SFPQ: variants seen among roughly 807,000 people sequenced by gnomAD.
SFPQ encodes splicing factor, proline- and glutamine-rich.
A neutral mutation model predicts 72.9 loss-of-function variants in SFPQ; 11 were observed. The observed-to-expected ratio is 0.15, with a 90% confidence interval of 0.09 to 0.25. The LOEUF is 0.25. Ranked by LOEUF, SFPQ falls within the 10% of genes least tolerant of loss-of-function variation. The pLI, the probability that SFPQ is intolerant of heterozygous loss-of-function variation, is 1.00. For synonymous variants in SFPQ, 506 were observed against 367.3 expected (o/e 1.38, Z -4.32); for missense variants, 847 against 993.3 (o/e 0.85, Z 1.98).
downstream of SFPQ, chr1:35,180,894 A>G: frequency 1.0e-6 from 1 of 985,306 alleles, no homozygotes; most frequent in Non-Finnish European, 1.2e-6. Context: ...CACACAACTG[A>G]GTCAGATATA....
downstream of SFPQ, chr1:35,180,137 TG>T (rs1183422816): frequency 2.1e-5 from 22 of 1,049,106 alleles, no homozygotes; most frequent in Middle Eastern, 4.3e-4. Flanking sequence ...CTCATAGTCA[TG>T]AAGTTTTCAT....
chr1:35,192,032 G>C (rs1051449861), intron 1 of SFPQ, among the ~76,000 whole-genome samples, 190 bp downstream of exon 1: 29 of 151,902 alleles, frequency 1.9e-4, no homozygotes, highest in African/African-American at 6.7e-4. Context: ...CGCCCGCCGG[G>C]AGAGCAAGGC....
chr1:35,187,983 T>C lies in SFPQ; in HGVS notation c.1805A>G (p.Tyr602Cys), dbSNP rs970138413. 1.2e-6 allele frequency: 2 copies of C among 1,611,780 alleles called. No homozygotes were observed. Among genetic ancestry groups the C allele is most frequent in the Non-Finnish European group, 1.7e-6 (2 of 1,177,844 alleles). ...QREESYSRMGYMDPRERDMRM... is the reference protein window; with the variant it reads ...QREESYSRMGCMDPRERDMRM... The stretch of plus-strand genomic sequence containing the variant: ...TAAAGGCTGACTTACTGGATCCATG[T>C]AGCCCATTCGGCTGTAACTTTCCTC... The change falls in exon 7 of 10, where the codon TAC becomes TGC. Residue 602 changes from tyrosine (Y) to cysteine (C), a missense_variant. Tyr to Cys is a radical substitution (Grantham distance 194). Around this residue, in one of 6 missense-constraint regions of SFPQ, gnomAD observed 154 missense variants for 186.0 expected, o/e 0.83. Coordinates refer to ENST00000357214, the MANE Select transcript of SFPQ (RefSeq NM_005066.3).
intron 1 of SFPQ, 111 bp from the exon 2 acceptor site, chr1:35,191,640 G>A: frequency 1.3e-6 from 1 of 792,990 alleles, no homozygotes; most frequent in Non-Finnish European, 2.0e-6. Context: ...GTTCCGTTTG[G>A]TCAAAATCAA....
Position 35,187,218 on chromosome 1 carries a change from C to T in SFPQ, c.1849G>A (p.Ala617Thr). The part of the protein sequence containing the change: ...ERDMRMGGGG[A>T]MNMGDPYGSG... ...TCACACTTACCTCCCATGTTCATTG[C>T]TCCTCCGCCACCCATTCGCATGTCT... The change falls in exon 8 of 10, where the codon GCA becomes ACA. Residue 617 changes from alanine to threonine, a missense_variant. Ala to Thr is a moderately conservative substitution (Grantham distance 58). Around this residue, in one of 6 missense-constraint regions of SFPQ, gnomAD observed 154 missense variants for 186.0 expected, o/e 0.83. Coordinates refer to ENST00000357214, the MANE Select transcript of SFPQ (RefSeq NM_005066.3). The T allele has an allele frequency of 6.2e-7, 1 of 1,614,158 alleles. No homozygotes were observed. The highest frequency in any genetic ancestry group is 8.5e-7 in the Non-Finnish European group (1 of 1,180,004).
intron 9 of SFPQ, 55 bp downstream of exon 9, chr1:35,186,946 C>A (rs981821108): frequency 7.0e-6 from 11 of 1,560,486 alleles, no homozygotes; most frequent in Non-Finnish European, 9.6e-6. Context: ...AACAAACACA[C>A]CTAAGTTGTG....
chr1:35,181,783 G>A (rs899346175), downstream of SFPQ: 5 of 985,028 alleles, frequency 5.1e-6, no homozygotes, highest in African/African-American at 3.5e-5. Flanking sequence ...CGACTTTTAG[G>A]AAACTATTAA....
rs530555538 is a variant in SFPQ, at chr1:35,186,575, A to G, written c.1986+426T>C. Among the ~76,000 whole-genome samples, 4 of 152,286 alleles carry G rather than the reference A, an allele frequency of 2.6e-5. No individual in the cohort carries two copies. In the East Asian group the frequency reaches 7.7e-4, roughly 29 times the overall value. Reference sequence around the variant, plus strand: ...TCCTACACATCACTAAAACGTGCCTAAAGCTTCAAACTACAAGTCTGATTC... The same window carrying G: ...TCCTACACATCACTAAAACGTGCCTGAAGCTTCAAACTACAAGTCTGATTC... On this transcript the variant is annotated intron_variant, in intron 9 of 9. Transcript: ENST00000357214.
At chr1:35,182,804 T>C (rs2148609533), downstream of SFPQ, 1 of 1,051,810 alleles carries the variant, frequency 9.5e-7, no homozygotes, top group East Asian at 5.5e-5. Context: ...TCCTCTAACA[T>C]ATTTACACTG....
At chr1:35,179,357 A>G (rs1390046388), downstream of SFPQ, 20 of 1,057,646 alleles carry the variant, frequency 1.9e-5, no homozygotes, top group Non-Finnish European at 2.3e-5. Context: ...CCTTGCATGA[A>G]GAGCACCCAT....
chr1:35,179,134 G>A, downstream of SFPQ: 3 of 1,059,270 alleles, frequency 2.8e-6, no homozygotes, highest in Non-Finnish European at 3.4e-6. Context: ...ACCAAATAAA[G>A]GCCCAGACCA....
chr1:35,189,405 C>G (rs368659257), intron 4 of SFPQ, 23 bp from the exon 5 acceptor site: 5 of 1,580,818 alleles, frequency 3.2e-6, no homozygotes, highest in Non-Finnish European at 4.3e-6. Context: ...AAAATTTTAA[C>G]ATGAACCGAT....
chr1:35,177,910 T>C lies in SFPQ; in HGVS notation c.*24+79A>G, dbSNP rs368579529. On this transcript the variant is annotated intron_variant and NMD_transcript_variant, in intron 4 of 5. Transcript: ENST00000460428. ...GGTAAACATCTCAAATATCGAAGTT[T>C]CACTCCACATATCTAAATGAAATTA... The C allele has an allele frequency of 2.4e-4, 139 of 579,388 alleles. 1 individual carries two copies. The highest frequency in any genetic ancestry group is 9.9e-4 in the East Asian group (12 of 12,142). 35.9% of individuals were successfully genotyped at this position (579,388 alleles called of 1,614,324 possible).
At chr1:35,188,231 C>T in intron 6 of SFPQ, 141 bp from the exon 7 acceptor site, 1 of 665,668 alleles carries the variant, frequency 1.5e-6, no homozygotes, top group East Asian at 2.5e-5. Context: ...GGGCATAGTA[C>T]TAAAGACATT....
intron 6 of SFPQ, among the ~76,000 whole-genome samples, chr1:35,188,363 A>G (rs1639829187): frequency 6.6e-6 from 1 of 152,240 alleles, no homozygotes; most frequent in African/African-American, 2.4e-5. Flanking sequence ...AACTAAGTAC[A>G]TCTTTTCCCT....
At chr1:35,186,405 A>AT (rs1192134507) in intron 9 of SFPQ, among the ~76,000 whole-genome samples, 1 of 152,188 alleles carries the variant, frequency 6.6e-6, no homozygotes, top group African/African-American at 2.4e-5. Context: ...AAAATTGTTG[A>AT]TTTTTGCTAC....
chr1:35,176,873 C>G (rs377431503), intron 5 of SFPQ, among the ~76,000 whole-genome samples: 1 of 91,576 alleles, frequency 1.1e-5, no homozygotes, highest in Non-Finnish European at 2.7e-5. Context: ...GACTCCGTCT[C>G]AAAAAAAAAA....
downstream of SFPQ, chr1:35,181,238 C>T: frequency 9.4e-7 from 1 of 1,065,734 alleles, no homozygotes; most frequent in African/African-American, 1.6e-5. Flanking sequence ...CAGTTACGCA[C>T]TGCAGAAATG....
rs1478713186 is a variant in SFPQ, at chr1:35,183,627, G to T, written c.*829C>A. ...CATGTTTAACATCTTTAATTCAAAT[G>T]TAAAAGTTCAATACAAGCCATTTAT... On this transcript the variant is annotated 3_prime_UTR_variant, in exon 10 of 10. Transcript: ENST00000357214. 1 of 1,033,070 alleles carries T rather than the reference G, an allele frequency of 9.7e-7. No individual in the cohort carries two copies. Among genetic ancestry groups the T allele is most frequent in the Non-Finnish European group, 1.2e-6 (1 of 858,542 alleles). The allele number at this position is 1,033,070 out of a possible 1,614,324, so 64.0% of individuals were successfully genotyped here.
Sources: gnomAD v4.1 joint callset for allele counts (sites outside exome capture counted in the v4.1 genomes callset) on GRCh38, gnomAD v4.1.1 for gene constraint, gnomAD v4.1.1 regional missense constraint, MANE v1.5 for transcripts, NCBI Gene and HGNC (gene_info 2026-07-23, HGNC 2026-07-21) for gene names.